MYCBP2: variants seen among roughly 807,000 people sequenced by gnomAD.
MYCBP2 encodes MYC binding protein 2.
In MYCBP2, 120 loss-of-function variants were observed where a neutral mutation model predicts 525.3. The observed-to-expected ratio is 0.23, with a 90% CI of 0.20 to 0.27. The LOEUF is 0.27. MYCBP2 is among the 10% of genes least tolerant of loss of function. The pLI is 1.00. For missense variants in MYCBP2, 4,149 were observed against 5,657.1 expected (o/e 0.73, Z 8.55); for synonymous variants, 1,894 against 1,955.8 (o/e 0.97, Z 0.83).
At chr13:77,062,211 A>G (rs1033771232) in intron 74 of MYCBP2, among the ~76,000 whole-genome samples, 2 of 152,214 alleles carry the variant, frequency 1.3e-5, no homozygotes, top group African/African-American at 4.8e-5. Flanking sequence ...TTAAGTATAT[A>G]TGTGAACAGG....
At chr13:77,194,359 A>T (rs1196961543) in intron 26 of MYCBP2, 115 bp from the exon 27 acceptor site, 2 of 681,976 alleles carry the variant, frequency 2.9e-6, no homozygotes, top group Non-Finnish European at 5.1e-6. Flanking sequence ...AAATGTAAAA[A>T]ATCAGAGTAC....
chr13:77,087,335 A>G, intron 62 of MYCBP2, 149 bp downstream of exon 62: 1 of 681,150 alleles, frequency 1.5e-6, no homozygotes, highest in Non-Finnish European at 2.4e-6. Context: ...TCCAGGTCTC[A>G]TTATTAATAC....
At chr13:77,099,185 T>G (rs1041986334) in intron 55 of MYCBP2, 172 bp from the exon 56 acceptor site, 1 of 916,682 alleles carries the variant, frequency 1.1e-6, no homozygotes, top group Non-Finnish European at 1.6e-6. Flanking sequence ...CTAATAAAAT[T>G]TCTACACATC....
chr13:77,066,157 A>G, intron 71 of MYCBP2, 69 bp from the exon 72 acceptor site: 1 of 1,109,312 alleles, frequency 9.0e-7, no homozygotes, highest in Non-Finnish European at 1.3e-6. Context: ...AAAAGATGAA[A>G]ATGTTATTTC....
chr13:77,253,703 T>C (rs966807533), intron 14 of MYCBP2, among the ~76,000 whole-genome samples: 21 of 152,016 alleles, frequency 1.4e-4, no homozygotes, highest in African/African-American at 5.1e-4. Flanking sequence ...CTATGTATAT[T>C]TTCCTGCATG....
chr13:77,323,398 G>A (rs908297861), intron 1 of MYCBP2, among the ~76,000 whole-genome samples: 11 of 152,082 alleles, frequency 7.2e-5, no homozygotes, highest in Non-Finnish European at 1.2e-4. Context: ...TTTGTTTCTT[G>A]AACACAAGCC....
chr13:77,263,516 CT>C, intron 10 of MYCBP2, 134 bp downstream of exon 10: 1 of 622,162 alleles, frequency 1.6e-6, no homozygotes, highest in South Asian at 2.9e-5. Flanking sequence ...CAAAATTATC[CT>C]TTATATTAAT....
At chr13:77,047,051 C>T (rs188508645) in intron 82 of MYCBP2, among the ~76,000 whole-genome samples, 8 of 152,202 alleles carry the variant, frequency 5.3e-5, no homozygotes, top group Admixed American at 2.0e-4. Context: ...AAATATTTAC[C>T]GCATGCCTAA....
chr13:77,140,978 A>C, intron 49 of MYCBP2, 35 bp from the exon 50 acceptor site: 1 of 1,442,850 alleles, frequency 6.9e-7, no homozygotes, highest in East Asian at 2.3e-5. Context: ...AACATTTGAG[A>C]AAAAAAGAGA....
At chr13:77,164,836 C>A (rs1179013348) in intron 42 of MYCBP2, among the ~76,000 whole-genome samples, 1 of 152,044 alleles carries the variant, frequency 6.6e-6, no homozygotes, top group East Asian at 1.9e-4. Context: ...AGATGATAGC[C>A]CCTTTTTGAA....
chr13:77,297,467 G>C (rs1366669283), intron 1 of MYCBP2, among the ~76,000 whole-genome samples: 1 of 152,136 alleles, frequency 6.6e-6, no homozygotes, highest in Non-Finnish European at 1.5e-5. Flanking sequence ...GAAGTCGGGG[G>C]GAAGAGGGAA....
intron 82 of MYCBP2, among the ~76,000 whole-genome samples, chr13:77,047,086 T>C (rs1027781807): frequency 6.6e-6 from 1 of 152,186 alleles, no homozygotes; most frequent in Non-Finnish European, 1.5e-5. Context: ...TCTTAGGTAC[T>C]TGGGATTAAA....
At chr13:77,284,033 C>T (rs572602102) in intron 3 of MYCBP2, among the ~76,000 whole-genome samples, 3 of 152,140 alleles carry the variant, frequency 2.0e-5, no homozygotes, top group East Asian at 1.9e-4. Context: ...ATAGAAAGCT[C>T]GTTTAAATAC....
intron 27 of MYCBP2, among the ~76,000 whole-genome samples, chr13:77,193,699 C>T (rs993375807): frequency 6.6e-6 from 1 of 152,042 alleles, no homozygotes; most frequent in Non-Finnish European, 1.5e-5. Flanking sequence ...TAGTCACCTC[C>T]CCAAGTGTGT....
Position 77,270,647 on chromosome 13 carries a change from G to A in MYCBP2, c.946-109C>T, listed in dbSNP as rs1430820630. 2.5e-6 allele frequency: 3 copies of A among 1,183,282 alleles called. No individual in the cohort carries two copies. In the African/African-American group the frequency reaches 4.6e-5, roughly 18 times the overall value. The allele number at this position is 1,183,282 out of a possible 1,614,324, so 73.3% of individuals were successfully genotyped here. A position where few individuals can be genotyped will look rare whatever the true frequency, so the allele number is the denominator to read the frequency against. Reference sequence around the variant, plus strand: ...CATTCATAAGACAATAAATTGTTCAGAATGATATTTCGCATGCCAGCAAAA... The same window carrying A: ...CATTCATAAGACAATAAATTGTTCAAAATGATATTTCGCATGCCAGCAAAA... On this transcript the variant is annotated intron_variant, in intron 5 of 82. Coordinates refer to ENST00000544440, the MANE Select transcript of MYCBP2 (RefSeq NM_015057.5).
At chr13:77,249,831 CAG>C (rs1208993458) in intron 15 of MYCBP2, among the ~76,000 whole-genome samples, 1 of 152,180 alleles carries the variant, frequency 6.6e-6, no homozygotes, top group African/African-American at 2.4e-5. Context: ...GCTTAAAAAA[CAG>C]AAAACAGAGC....
chr13:77,180,636 T>C (rs1221597035), intron 33 of MYCBP2, among the ~76,000 whole-genome samples: 1 of 152,222 alleles, frequency 6.6e-6, no homozygotes, highest in Non-Finnish European at 1.5e-5. Flanking sequence ...TAAAAAGCTT[T>C]TTTGGCTGGG....
At chr13:77,205,732 C>T (rs145501788) in intron 24 of MYCBP2, 134 bp from the exon 25 acceptor site, 12 of 733,496 alleles carry the variant, frequency 1.6e-5, no homozygotes, top group Non-Finnish European at 2.3e-5. Context: ...AACATCATTT[C>T]ATGGAAGAAT....
intron 3 of MYCBP2, among the ~76,000 whole-genome samples, chr13:77,280,653 G>A (rs987623787): frequency 1.3e-4 from 20 of 152,206 alleles, no homozygotes; most frequent in Admixed American, 9.2e-4. Flanking sequence ...GCCAGAAACA[G>A]TAAGACTGCC....
Sources: gnomAD v4.1 joint callset for allele counts (sites outside exome capture counted in the v4.1 genomes callset) on GRCh38, gnomAD v4.1.1 for gene constraint, MANE v1.5 for transcripts, NCBI Gene and HGNC (gene_info 2026-07-23, HGNC 2026-07-21) for gene names.